The following COMMD10 variants were observed in gnomAD, a reference collection of about 807,000 sequenced individuals.
COMMD10 encodes the protein COMM domain containing 10.
In COMMD10, 33 loss-of-function variants were observed where a neutral mutation model predicts 28.9. The observed-to-expected ratio is 1.14, with a 90% CI of 0.87 to 1.53. The LOEUF (loss-of-function observed/expected upper bound fraction) is 1.53. Ranked by LOEUF, COMMD10 falls within the 40% of genes most tolerant of loss-of-function variation. The pLI, the probability that COMMD10 is intolerant of heterozygous loss-of-function variation, is 0.00. For synonymous variants in COMMD10, 110 were observed against 81.7 expected, an observed-to-expected ratio of 1.35 and a Z score of -1.87; for missense variants, 310 against 233.4, an observed-to-expected ratio of 1.33 and a Z score of -2.14.
intron 5 of COMMD10, among the ~76,000 whole-genome samples, chr5:116,255,180 G>A (rs1388976446): frequency 1.3e-5 from 2 of 151,506 alleles, no homozygotes; most frequent in Non-Finnish European, 2.9e-5. Flanking sequence ...TTTATTTTGA[G>A]CCTATGTGTG....
intron 5 of COMMD10, among the ~76,000 whole-genome samples, chr5:116,197,124 T>A (rs1698057685): frequency 6.6e-6 from 1 of 152,134 alleles, no homozygotes; most frequent in Non-Finnish European, 1.5e-5. Flanking sequence ...CATTTTTTAA[T>A]GTGGGGTTGC....
chr5:116,187,260 A>C (rs1748170170), intron 5 of COMMD10, among the ~76,000 whole-genome samples: 1 of 152,168 alleles, frequency 6.6e-6, no homozygotes, highest in East Asian at 1.9e-4. Context: ...AACTATCTGA[A>C]AGCCAAATGT....
chr5:116,273,651 T>C (rs928285366), intron 5 of COMMD10, among the ~76,000 whole-genome samples: 2 of 151,758 alleles, frequency 1.3e-5, no homozygotes, highest in Non-Finnish European at 2.9e-5. Flanking sequence ...TGAAGCTTCG[T>C]TATGCTATGA....
At chr5:116,175,667 T>C (rs10055145) in intron 5 of COMMD10, among the ~76,000 whole-genome samples, 47,159 of 152,026 alleles carry the variant, frequency 0.31, 10,231 homozygotes, top group African/African-American at 0.62. Flanking sequence ...ATGGTATATA[T>C]ATGCAACGGG....
intron 5 of COMMD10, among the ~76,000 whole-genome samples, chr5:116,216,814 G>T (rs59842929): frequency 6.6e-6 from 1 of 152,102 alleles, no homozygotes; most frequent in Non-Finnish European, 1.5e-5. Context: ...GATTACAGGC[G>T]TGAGCCACTG....
chr5:116,132,508 G>C (rs1248692157), intron 4 of COMMD10, among the ~76,000 whole-genome samples: 1 of 152,062 alleles, frequency 6.6e-6, no homozygotes, highest in East Asian at 1.9e-4. Context: ...GATCACAGTG[G>C]GGTGTGAGTT....
intron 5 of COMMD10, among the ~76,000 whole-genome samples, chr5:116,213,907 T>C (rs930205848): frequency 1.4e-4 from 21 of 152,128 alleles, no homozygotes; most frequent in Non-Finnish European, 2.8e-4. Flanking sequence ...TTTTTTGTAT[T>C]TTACATTCAG....
At chr5:116,195,013 A>G (rs1181062706) in intron 5 of COMMD10, among the ~76,000 whole-genome samples, 1 of 152,188 alleles carries the variant, frequency 6.6e-6, no homozygotes, top group East Asian at 1.9e-4. Context: ...AGCTTAACAT[A>G]TACAAGTCAA....
In COMMD10 at chr5:116,159,138, C is replaced by A. The variant is rs1580502612; in HGVS notation, c.510+24960C>A. 3.3e-5 allele frequency among the ~76,000 whole-genome samples: 5 copies of A among 152,250 alleles called. No individual in the cohort carries two copies. The South Asian group carries it at 1.0e-3, about 32-fold the overall frequency. On this transcript the variant is annotated intron_variant, in intron 5 of 6. Coordinates refer to ENST00000274458, the MANE Select transcript of COMMD10 (RefSeq NM_016144.4). Reference sequence around the variant, plus strand: ...TTTTAAAATATAATTCAGATTATTTCTTTGCTCTGTATATTTTACAGGCTT... The same window carrying A: ...TTTTAAAATATAATTCAGATTATTTATTTGCTCTGTATATTTTACAGGCTT...
intron 2 of COMMD10, among the ~76,000 whole-genome samples, chr5:116,088,064 G>A (rs1053868224): frequency 1.3e-5 from 2 of 152,136 alleles, no homozygotes; most frequent in African/African-American, 4.8e-5. Context: ...GGATATGGTT[G>A]TTTTGGACAT....
chr5:116,217,986 T>TC, intron 5 of COMMD10: 2 of 914,988 alleles, frequency 2.2e-6, no homozygotes, highest in Non-Finnish European at 3.6e-6. Flanking sequence ...AACTGTTCAG[T>TC]CACCAGAAGT....
At chr5:116,227,274 TCTC>T (rs1749416916) in intron 5 of COMMD10, among the ~76,000 whole-genome samples, 1 of 152,010 alleles carries the variant, frequency 6.6e-6, no homozygotes, top group African/African-American at 2.4e-5. Context: ...AGCATCTCAT[TCTC>T]CTTCAACAGG....
intron 5 of COMMD10, among the ~76,000 whole-genome samples, chr5:116,260,808 T>C (rs1450708630): frequency 6.6e-6 from 1 of 151,802 alleles, no homozygotes; most frequent in African/African-American, 2.4e-5. Flanking sequence ...AATGGTATTT[T>C]GAAACAAAGT....
chr5:116,205,956 G>T (rs1056338167), intron 5 of COMMD10, among the ~76,000 whole-genome samples: 4 of 149,914 alleles, frequency 2.7e-5, no homozygotes, highest in African/African-American at 9.9e-5. Context: ...TTCCTCCCTT[G>T]TTAGTTTACA....
intron 5 of COMMD10, among the ~76,000 whole-genome samples, chr5:116,186,458 G>A (rs1748142100): frequency 6.6e-6 from 1 of 151,924 alleles, no homozygotes; most frequent in Non-Finnish European, 1.5e-5. Flanking sequence ...GTTTTTGCAG[G>A]TTCTATCCTT....
chr5:116,274,544 A>G (rs961297180), intron 5 of COMMD10, among the ~76,000 whole-genome samples: 1 of 151,702 alleles, frequency 6.6e-6, no homozygotes, highest in Non-Finnish European at 1.5e-5. Flanking sequence ...TGATTTTCTT[A>G]CTGTATACTC....
chr5:116,196,505 T>C (rs922510877), intron 5 of COMMD10, among the ~76,000 whole-genome samples: 77 of 127,278 alleles, frequency 6.0e-4, no homozygotes, highest in Non-Finnish European at 1.0e-3. Flanking sequence ...AAAATAAATA[T>C]GTTAAAAAAA....
intron 5 of COMMD10, among the ~76,000 whole-genome samples, chr5:116,137,845 A>G (rs1752075112): frequency 6.6e-6 from 1 of 151,834 alleles, no homozygotes; most frequent in Non-Finnish European, 1.5e-5. Flanking sequence ...TTCCTGCAGT[A>G]TTTTGATATG....
At chr5:116,183,595 C>A (rs9686231) in intron 5 of COMMD10, among the ~76,000 whole-genome samples, 47,628 of 151,808 alleles carry the variant, frequency 0.31, 10,345 homozygotes, top group African/African-American at 0.62. Context: ...TCTTTGTGTT[C>A]TGAGAGAGTG....
Sources: allele counts gnomAD v4.1 joint callset (sites outside exome capture counted in the v4.1 genomes callset), GRCh38; gene constraint gnomAD v4.1.1; transcripts MANE v1.5; gene names NCBI Gene and HGNC (gene_info 2026-07-23, HGNC 2026-07-21).